The following DLGAP2 variants were observed in gnomAD, a reference collection of about 807,000 sequenced individuals.
DLGAP2 encodes the protein DLG associated protein 2.
Under a neutral mutation model 100.3 loss-of-function variants are expected in DLGAP2, and 26 were observed. The observed-to-expected ratio is 0.26, with a 90% CI of 0.19 to 0.36. DLGAP2 has a LOEUF of 0.36. Ranked by LOEUF, DLGAP2 falls within the 10% of genes least tolerant of loss-of-function variation. The pLI is 1.00. For synonymous variants in DLGAP2, 886 were observed against 630.1 expected (o/e 1.41, Z -6.08); for missense variants, 1,858 against 1,453.2 (o/e 1.28, Z -4.53).
intron 3 of DLGAP2, among the ~76,000 whole-genome samples, chr8:1,389,860 A>G (rs1425633650): frequency 6.6e-6 from 1 of 151,988 alleles, no homozygotes; most frequent in Non-Finnish European, 1.5e-5. Context: ...CTGCCTTTTC[A>G]TGAAAATTGG....
intron 2 of DLGAP2, among the ~76,000 whole-genome samples, chr8:1,049,532 A>G (rs955839926): frequency 3.3e-5 from 5 of 152,098 alleles, no homozygotes; most frequent in Non-Finnish European, 5.9e-5. Context: ...GCAATAGATA[A>G]ATATTGTTTA....
At chr8:1,485,705 T>G (rs996569392) in intron 3 of DLGAP2, among the ~76,000 whole-genome samples, 8 of 152,158 alleles carry the variant, frequency 5.3e-5, no homozygotes, top group South Asian at 2.1e-4. Context: ...AGGGAACCTT[T>G]GAAAGGGCCC....
intron 3 of DLGAP2, among the ~76,000 whole-genome samples, chr8:1,288,757 G>T (rs1799994708): frequency 6.7e-6 from 1 of 150,014 alleles, no homozygotes; most frequent in African/African-American, 2.5e-5. Context: ...GTTAGGAGGG[G>T]AACTAGTTTC....
chr8:1,654,679 A>AAAT (rs56201184), intron 8 of DLGAP2, among the ~76,000 whole-genome samples: 1 of 151,616 alleles, frequency 6.6e-6, no homozygotes, highest in Non-Finnish European at 1.5e-5. Flanking sequence ...AAAAAAAAAA[A>AAAT]GAATTGGAAC....
intron 3 of DLGAP2, among the ~76,000 whole-genome samples, chr8:1,372,234 G>GTGCCAATGCTGGGACGCTGGTCACCGTGC (rs1802257217): frequency 1.2e-5 from 1 of 82,738 alleles, no homozygotes; most frequent in African/African-American, 4.2e-5. Flanking sequence ...GGTCACCGTG[G>GTGCCAATGCTGGGACGCTGGTCACCGTGC]TGCCAACGCT....
chr8:1,694,018 C>T (rs1688237162), intron 13 of DLGAP2, among the ~76,000 whole-genome samples: 1 of 152,238 alleles, frequency 6.6e-6, no homozygotes, highest in African/African-American at 2.4e-5. Flanking sequence ...AAGCTTCCCA[C>T]ACACAGCCCA....
chr8:1,446,930 G>A (rs1379153986), intron 3 of DLGAP2, among the ~76,000 whole-genome samples: 1 of 152,120 alleles, frequency 6.6e-6, no homozygotes, highest in African/African-American at 2.4e-5. Flanking sequence ...TGTGATTTTT[G>A]TACATTGATT....
At chr8:1,083,968 G>C (rs1261347605) in intron 2 of DLGAP2, among the ~76,000 whole-genome samples, 1 of 152,080 alleles carries the variant, frequency 6.6e-6, no homozygotes. Context: ...TATATAAATT[G>C]TGCCTCAAAA....
intron 2 of DLGAP2, among the ~76,000 whole-genome samples, chr8:1,000,461 C>T (rs1271382705): frequency 1.3e-5 from 2 of 150,342 alleles, no homozygotes; most frequent in Admixed American, 6.6e-5. Context: ...TTGTTTTGCA[C>T]TGGATTTTCT....
chr8:1,124,130 T>A (rs552443157), intron 2 of DLGAP2, among the ~76,000 whole-genome samples: 99 of 152,312 alleles, frequency 6.5e-4, no homozygotes, highest in African/African-American at 2.3e-3. Context: ...CCAATAAAAA[T>A]GTCAGGTGCT....
At chr8:993,856 G>C (rs1226222223) in intron 2 of DLGAP2, among the ~76,000 whole-genome samples, 4 of 140,418 alleles carry the variant, frequency 2.8e-5, no homozygotes, top group Non-Finnish European at 6.0e-5. Context: ...CCTTTCTAGG[G>C]CCTTTGATAA....
At chr8:1,287,897 G>C (rs1175379693) in intron 3 of DLGAP2, among the ~76,000 whole-genome samples, 3 of 147,768 alleles carry the variant, frequency 2.0e-5, no homozygotes, top group Non-Finnish European at 3.0e-5. Context: ...GTGTGTGTGT[G>C]TGTGTGTGGT....
At chr8:1,115,852 A>G (rs531513651) in intron 2 of DLGAP2, among the ~76,000 whole-genome samples, 2 of 152,280 alleles carry the variant, frequency 1.3e-5, no homozygotes, top group Admixed American at 6.5e-5. Context: ...TCAGTCATTT[A>G]TCCCTGCCAC....
chr8:1,662,912 A>C (rs34588891), intron 8 of DLGAP2, among the ~76,000 whole-genome samples: 1 of 133,166 alleles, frequency 7.5e-6, no homozygotes, highest in Non-Finnish European at 1.6e-5. Context: ...TGGGGGATGC[A>C]TGTCTGTGTG....
At chr8:1,229,300 C>A (rs1486300618) in intron 2 of DLGAP2, among the ~76,000 whole-genome samples, 1 of 150,744 alleles carries the variant, frequency 6.6e-6, no homozygotes, top group Non-Finnish European at 1.5e-5. Context: ...GTTTTAGAAT[C>A]GGAATCAGCT....
chr8:1,130,406 A>T (rs1238776324), intron 2 of DLGAP2, among the ~76,000 whole-genome samples: 1 of 152,238 alleles, frequency 6.6e-6, no homozygotes, highest in Non-Finnish European at 1.5e-5. Flanking sequence ...CATTCAAAGT[A>T]AAACAATATC....
intron 1 of DLGAP2, among the ~76,000 whole-genome samples, chr8:786,894 C>T (rs545253125): frequency 6.6e-6 from 1 of 152,108 alleles, no homozygotes; most frequent in African/African-American, 2.4e-5. Context: ...GCCTTCAGCT[C>T]ACCTAGAACC....
intron 8 of DLGAP2, among the ~76,000 whole-genome samples, chr8:1,633,423 C>T (rs1028711756): frequency 1.3e-5 from 2 of 152,146 alleles, no homozygotes; most frequent in Admixed American, 6.5e-5. Flanking sequence ...TCAGGCTGCC[C>T]TGTAGTGACG....
At chr8:1,445,150 T>C (rs1797949943) in intron 3 of DLGAP2, among the ~76,000 whole-genome samples, 1 of 150,888 alleles carries the variant, frequency 6.6e-6, no homozygotes, top group Admixed American at 6.6e-5. Flanking sequence ...AGGTTTGTTA[T>C]ACATGTATAC....
Sources: allele counts gnomAD v4.1 joint callset (sites outside exome capture counted in the v4.1 genomes callset), GRCh38; gene constraint gnomAD v4.1.1; transcripts MANE v1.5; gene names NCBI Gene and HGNC (gene_info 2026-07-23, HGNC 2026-07-21).